Variants in ABCB11 observed in about 807,000 individuals in gnomAD.
The protein encoded by ABCB11 is bile salt export pump.
ABCB11 carries 95 observed loss-of-function variants against 148.0 expected under a neutral mutation model. That is an observed-to-expected ratio of 0.64 (90% CI 0.54 to 0.76). The LOEUF (loss-of-function observed/expected upper bound fraction) is 0.76, where lower values mean the gene tolerates loss of function less well. Ranked by LOEUF, ABCB11 falls within the 30% of genes least tolerant of loss-of-function variation. The probability of loss-of-function intolerance (pLI) is 0.00; values close to 1 mark genes in which losing one functional copy is unlikely to be tolerated. For missense variants in ABCB11, 1,523 were observed against 1,617.8 expected (o/e 0.94, Z 1.01); for synonymous variants, 591 against 555.4 (o/e 1.06, Z -0.90).
chr2:169,016,041 C>T (rs1361770265), intron 3 of ABCB11, among the ~76,000 whole-genome samples: 1 of 152,100 alleles, frequency 6.6e-6, no homozygotes, highest in African/African-American at 2.4e-5. Flanking sequence ...ATTCCATGCT[C>T]ACCTCCTCTA....
chr2:168,995,306 T>A, intron 7 of ABCB11, 43 bp downstream of exon 7: 1 of 1,567,470 alleles, frequency 6.4e-7, no homozygotes, highest in Non-Finnish European at 8.6e-7. Flanking sequence ...GGTTTTATTA[T>A]CCAAAAATCA....
intron 21 of ABCB11, among the ~76,000 whole-genome samples, chr2:168,940,221 AAGTT>A (rs1412714657): frequency 1.3e-5 from 2 of 152,082 alleles, no homozygotes; most frequent in East Asian, 1.9e-4. Flanking sequence ...GATAGGCTAA[AAGTT>A]AGGCCTCATT....
chr2:168,998,508 G>A (rs1409027305), intron 5 of ABCB11, among the ~76,000 whole-genome samples: 5 of 152,120 alleles, frequency 3.3e-5, no homozygotes, highest in African/African-American at 1.2e-4. Context: ...CTAATTATTC[G>A]ATTTGATCAT....
chr2:168,982,719 T>C (rs1573937368), intron 10 of ABCB11, among the ~76,000 whole-genome samples: 1 of 152,070 alleles, frequency 6.6e-6, no homozygotes, highest in Non-Finnish European at 1.5e-5. Flanking sequence ...ACTCAGCCCA[T>C]GCACACTCAG....
intron 25 of ABCB11, among the ~76,000 whole-genome samples, chr2:168,928,764 C>G (rs1048912623): frequency 1.2e-4 from 19 of 152,136 alleles, no homozygotes; most frequent in Admixed American, 8.5e-4. Context: ...AAAATTGAAC[C>G]CTCTGACTTA....
At position 168,921,118 on chromosome 2, in the gene ABCB11, C is replaced by A. The variant is rs892331006; in HGVS notation, c.*2504G>T. On this transcript the variant is annotated 3_prime_UTR_variant, in exon 28 of 28. Coordinates refer to ENST00000650372, the MANE Select transcript of ABCB11 (RefSeq NM_003742.4). Reference sequence around the variant, plus strand: ...GCAAACCTTAATTTCCTCTAAAAGGCATCTTTACTCTGCAACTTACTCGTC... The same window carrying A: ...GCAAACCTTAATTTCCTCTAAAAGGAATCTTTACTCTGCAACTTACTCGTC... Among the ~76,000 whole-genome samples the A allele has an allele frequency of 2.0e-5, 3 of 152,150 alleles. No individual in the cohort carries two copies. Among genetic ancestry groups the A allele is most frequent in the African/African-American group, 7.2e-5 (3 of 41,428 alleles).
At chr2:168,943,375 G>T (rs189559615) in intron 21 of ABCB11, among the ~76,000 whole-genome samples, 57 of 151,940 alleles carry the variant, frequency 3.8e-4, no homozygotes, top group African/African-American at 1.3e-3. Context: ...AATAATCAAG[G>T]ATGTGGCAAG....
intron 24 of ABCB11, among the ~76,000 whole-genome samples, chr2:168,932,158 C>A (rs1001649066): frequency 6.6e-6 from 1 of 152,112 alleles, no homozygotes; most frequent in African/African-American, 2.4e-5. Context: ...CCTCCCCTAC[C>A]CCACACCATC....
intron 26 of ABCB11, among the ~76,000 whole-genome samples, chr2:168,926,383 T>A (rs951431381): frequency 1.5e-4 from 23 of 152,146 alleles, no homozygotes; most frequent in Admixed American, 1.3e-3. Flanking sequence ...GTGTGGCTAT[T>A]AAGTGTGTTT....
chr2:169,000,654 C>T (rs747592658), intron 5 of ABCB11, among the ~76,000 whole-genome samples: 1 of 152,100 alleles, frequency 6.6e-6, no homozygotes, highest in Non-Finnish European at 1.5e-5. Flanking sequence ...TCTGTCAATG[C>T]CACACAGCCT....
At position 168,924,641 on chromosome 2, in the gene ABCB11, G is replaced by C. The variant is rs1188978356; in HGVS notation, c.3765+16C>G. On this transcript the variant is annotated intron_variant, in intron 27 of 27. Coordinates refer to ENST00000650372, the MANE Select transcript of ABCB11 (RefSeq NM_003742.4). ...TTATTTGTAATGATCTAAGACTTTA[G>C]AAATTCAACACTTACCTTTTCACTT... is the stretch of plus-strand genomic sequence containing the variant. The C allele has an allele frequency of 3.7e-6, 6 of 1,612,692 alleles. No homozygotes were observed. The highest frequency in any genetic ancestry group is 5.1e-6 in the Non-Finnish European group (6 of 1,179,478).
chr2:168,990,286 A>G (rs1235837504), intron 9 of ABCB11, among the ~76,000 whole-genome samples: 1 of 152,014 alleles, frequency 6.6e-6, no homozygotes, highest in Non-Finnish European at 1.5e-5. Flanking sequence ...CTCCTTACTC[A>G]TTATTGGTAT....
At chr2:169,029,500 A>T (rs1174726245) in intron 1 of ABCB11, among the ~76,000 whole-genome samples, 1 of 151,988 alleles carries the variant, frequency 6.6e-6, no homozygotes, top group Non-Finnish European at 1.5e-5. Context: ...ACTGTGGGTG[A>T]CCCAGTCTGG....
intron 10 of ABCB11, among the ~76,000 whole-genome samples, chr2:168,985,755 G>C (rs1470509044): frequency 6.6e-6 from 1 of 151,978 alleles, no homozygotes; most frequent in Non-Finnish European, 1.5e-5. Flanking sequence ...GGATGCAAAG[G>C]CATAAGAATG....
At chr2:169,016,979 TACACACACAC>T (rs71397686) in intron 2 of ABCB11, among the ~76,000 whole-genome samples, 180 bp from the exon 3 acceptor site, 19 of 138,100 alleles carry the variant, frequency 1.4e-4, no homozygotes, top group South Asian at 2.5e-4. Context: ...TCTATCTTTC[TACACACACAC>T]ACACACACAC....
At chr2:169,024,222 A>G (rs1396038356) in intron 1 of ABCB11, among the ~76,000 whole-genome samples, 1 of 152,224 alleles carries the variant, frequency 6.6e-6, no homozygotes, top group African/African-American at 2.4e-5. Flanking sequence ...AACTTAAAAA[A>G]GAACATATGG....
intron 12 of ABCB11, among the ~76,000 whole-genome samples, chr2:168,974,708 G>T (rs1693738243): frequency 6.6e-6 from 1 of 151,888 alleles, no homozygotes. Context: ...TAAGTAAGAA[G>T]ATTTTATTTC....
At chr2:168,973,079 A>C (rs1175810710) in intron 13 of ABCB11, among the ~76,000 whole-genome samples, 7 of 152,036 alleles carry the variant, frequency 4.6e-5, no homozygotes, top group Non-Finnish European at 2.9e-5. Flanking sequence ...AAGCCCTGTT[A>C]TTATTCCTAT....
At chr2:168,996,218 G>T (rs2544363) in intron 6 of ABCB11, among the ~76,000 whole-genome samples, 1 of 151,968 alleles carries the variant, frequency 6.6e-6, no homozygotes, top group African/African-American at 2.4e-5. Flanking sequence ...CAGCCTTTCA[G>T]AATTTGGGTT....
Sources: allele counts gnomAD v4.1 joint callset (sites outside exome capture counted in the v4.1 genomes callset), GRCh38; gene constraint gnomAD v4.1.1; transcripts MANE v1.5; gene names NCBI Gene and HGNC (gene_info 2026-07-23, HGNC 2026-07-21).